INPP4B: variants seen among roughly 807,000 people sequenced by gnomAD.
INPP4B encodes the protein inositol polyphosphate-4-phosphatase type II B.
In INPP4B, 55 loss-of-function variants were observed where a neutral mutation model predicts 122.5. That is an observed-to-expected ratio of 0.45 (90% CI 0.36 to 0.56). The LOEUF is 0.56. INPP4B is among the 20% of genes least tolerant of loss of function. INPP4B has a pLI of 0.00. For missense variants in INPP4B, 1,000 were observed against 1,097.7 expected (o/e 0.91, Z 1.26); for synonymous variants, 403 against 388.7 (o/e 1.04, Z -0.43).
chr4:142,341,559 T>G (rs985212466), intron 7 of INPP4B, among the ~76,000 whole-genome samples: 3 of 152,148 alleles, frequency 2.0e-5, no homozygotes, highest in African/African-American at 7.2e-5. Flanking sequence ...TTTGTATAAT[T>G]TCCTGGCCTT....
chr4:142,459,077 T>C (rs761877973), intron 3 of INPP4B, among the ~76,000 whole-genome samples: 1 of 152,130 alleles, frequency 6.6e-6, no homozygotes, highest in Non-Finnish European at 1.5e-5. Context: ...ATTCCACCAG[T>C]AACCTAGAAA....
At chr4:142,782,765 T>C (rs1398602504) in intron 1 of INPP4B, among the ~76,000 whole-genome samples, 1 of 152,162 alleles carries the variant, frequency 6.6e-6, no homozygotes, top group Admixed American at 6.6e-5. Context: ...CTTCAAACTA[T>C]ACTACAAGGC....
At chr4:142,463,848 A>G (rs1327041567) in intron 2 of INPP4B, among the ~76,000 whole-genome samples, 1 of 152,136 alleles carries the variant, frequency 6.6e-6, no homozygotes, top group Non-Finnish European at 1.5e-5. Context: ...AAGTTTCCTG[A>G]GGCCTCCCCA....
intron 2 of INPP4B, among the ~76,000 whole-genome samples, chr4:142,537,427 TATAGAGAGAGAG>T (rs1460012163): frequency 7.0e-3 from 237 of 33,850 alleles, no homozygotes; most frequent in Non-Finnish European, 9.8e-3. Context: ...TATATATATA[TATAGAGAGAGAG>T]AGAGAGAGAG....
chr4:142,536,866 G>A (rs1313508214), intron 2 of INPP4B, among the ~76,000 whole-genome samples: 5 of 151,986 alleles, frequency 3.3e-5, no homozygotes, highest in East Asian at 1.9e-4. Flanking sequence ...ATCTTGGCTC[G>A]GCTCACTGCA....
intron 2 of INPP4B, among the ~76,000 whole-genome samples, chr4:142,706,442 T>C (rs1762483047): frequency 6.6e-6 from 1 of 152,178 alleles, no homozygotes; most frequent in Admixed American, 6.5e-5. Flanking sequence ...TTAATGGCCT[T>C]ATAGAGAGAA....
chr4:142,119,808 C>T (rs1412827397), intron 21 of INPP4B, among the ~76,000 whole-genome samples: 104 of 45,930 alleles, frequency 2.3e-3, no homozygotes, highest in African/African-American at 3.4e-3. Flanking sequence ...CACACACACA[C>T]ACACACACAC....
At chr4:142,723,503 T>C (rs1764957055) in intron 2 of INPP4B, among the ~76,000 whole-genome samples, 1 of 152,236 alleles carries the variant, frequency 6.6e-6, no homozygotes, top group Middle Eastern at 3.4e-3. Flanking sequence ...ATTGTAACTA[T>C]AACTTATAAC....
At chr4:142,144,760 A>G (rs1184507158) in intron 18 of INPP4B, among the ~76,000 whole-genome samples, 1 of 152,166 alleles carries the variant, frequency 6.6e-6, no homozygotes, top group Non-Finnish European at 1.5e-5. Context: ...GCTTACAAAT[A>G]TAATTTAGAA....
chr4:142,184,495 T>A (rs1191500280), intron 15 of INPP4B, among the ~76,000 whole-genome samples: 1 of 152,204 alleles, frequency 6.6e-6, no homozygotes, highest in Admixed American at 6.5e-5. Context: ...ATCACACTGA[T>A]CTCTTCTGCA....
At chr4:142,233,606 G>A (rs1855404750) in intron 12 of INPP4B, among the ~76,000 whole-genome samples, 1 of 152,140 alleles carries the variant, frequency 6.6e-6, no homozygotes, top group Non-Finnish European at 1.5e-5. Flanking sequence ...GAGACTGGGA[G>A]GGAAGTTGGT....
At chr4:142,256,725 C>A (rs1032541229) in intron 11 of INPP4B, among the ~76,000 whole-genome samples, 1 of 152,142 alleles carries the variant, frequency 6.6e-6, no homozygotes, top group African/African-American at 2.4e-5. Context: ...AGCTTACCAA[C>A]CAAAAAGAGT....
At chr4:142,491,383 C>G (rs1487396326) in intron 2 of INPP4B, among the ~76,000 whole-genome samples, 3 of 152,016 alleles carry the variant, frequency 2.0e-5, no homozygotes, top group African/African-American at 7.2e-5. Context: ...GCAACTAAAG[C>G]CTCATTGAAA....
chr4:142,347,509 C>T (rs1780654777), intron 7 of INPP4B: 2 of 441,758 alleles, frequency 4.5e-6, no homozygotes, highest in Non-Finnish European at 9.1e-6. Flanking sequence ...TGAACACTTG[C>T]CTCAGGGGTC....
intron 2 of INPP4B, among the ~76,000 whole-genome samples, chr4:142,700,214 GA>G (rs1364506944): frequency 4.0e-5 from 6 of 151,682 alleles, no homozygotes; most frequent in Non-Finnish European, 8.8e-5. Context: ...GCAACAGGGA[GA>G]AAAAAAACCT....
intron 1 of INPP4B, among the ~76,000 whole-genome samples, chr4:142,836,604 T>C (rs1321757907): frequency 1.3e-5 from 2 of 151,554 alleles, no homozygotes; most frequent in East Asian, 3.9e-4. Flanking sequence ...ACAAAAAAAG[T>C]GTTGGATAGA....
chr4:142,661,264 G>A (rs1755122407), intron 2 of INPP4B, among the ~76,000 whole-genome samples: 1 of 152,140 alleles, frequency 6.6e-6, no homozygotes, highest in Non-Finnish European at 1.5e-5. Flanking sequence ...ACTAAGAAAA[G>A]TCCTACAATA....
intron 16 of INPP4B, among the ~76,000 whole-genome samples, chr4:142,165,040 A>G (rs1822030985): frequency 6.6e-6 from 1 of 151,650 alleles, no homozygotes; most frequent in African/African-American, 2.4e-5. Flanking sequence ...GAGGTAATCC[A>G]TTTTCCCATA....
At chr4:142,496,128 T>G (rs529100861) in intron 2 of INPP4B, among the ~76,000 whole-genome samples, 1 of 152,316 alleles carries the variant, frequency 6.6e-6, no homozygotes, top group South Asian at 2.1e-4. Flanking sequence ...CAGTCTACTT[T>G]GAAGCAGAAG....
Sources: allele counts gnomAD v4.1 joint callset (sites outside exome capture counted in the v4.1 genomes callset), GRCh38; gene constraint gnomAD v4.1.1; transcripts MANE v1.5; gene names NCBI Gene and HGNC (gene_info 2026-07-23, HGNC 2026-07-21).